The following CPSF4L variants were observed in gnomAD, a reference collection of about 807,000 sequenced individuals.
The protein encoded by CPSF4L is putative cleavage and polyadenylation specificity factor subunit 4-like protein.
CPSF4L carries 18 observed loss-of-function variants against 24.0 expected under a neutral mutation model. The ratio of observed to expected loss-of-function variants is 0.75; its 90% CI spans 0.52 to 1.11. The LOEUF is 1.11. CPSF4L is among the 50% of genes least tolerant of loss of function. The pLI is 0.00. For synonymous variants in CPSF4L, 72 were observed against 77.2 expected (o/e 0.93, Z 0.35); for missense variants, 211 against 221.8 (o/e 0.95, Z 0.31).
chr17:73,257,333 G>A (rs1005336194), intron 3 of CPSF4L, among the ~76,000 whole-genome samples: 1 of 152,054 alleles, frequency 6.6e-6, no homozygotes, highest in African/African-American at 2.4e-5. Flanking sequence ...CCTGATATTC[G>A]AGAAGTTCTA....
downstream of CPSF4L, chr17:73,245,115 A>C: frequency 1.3e-6 from 2 of 1,541,350 alleles, no homozygotes; most frequent in Admixed American, 3.4e-5. Context: ...AGATAGTAAC[A>C]GTCATTGGAA....
downstream of CPSF4L, chr17:73,247,425 C>T: frequency 7.3e-7 from 1 of 1,365,654 alleles, no homozygotes; most frequent in Non-Finnish European, 1.0e-6. Context: ...TGCCCTGTAA[C>T]ACCTAAGTGT....
upstream of CPSF4L, among the ~76,000 whole-genome samples, chr17:73,263,336 A>G (rs564652039): frequency 1.3e-4 from 20 of 152,222 alleles, no homozygotes; most frequent in East Asian, 3.7e-3. Flanking sequence ...AACATCCCTG[A>G]GCATCTCTGC....
At chr17:73,254,400 A>T (rs11653048) in intron 3 of CPSF4L, among the ~76,000 whole-genome samples, 68,488 of 152,044 alleles carry the variant, frequency 0.45, 16,261 homozygotes, top group East Asian at 0.62. Flanking sequence ...CCCCCTCTTC[A>T]TCTCTACTAC....
chr17:73,260,859 AG>A lies in CPSF4L; in HGVS notation c.154+73del, dbSNP rs2062042293. ...CGACACCCTATCCCAGGCCAGGCAG[AG>A]CCCCTGCTGGGTGTAGCTCAGACAG... On this transcript the variant is annotated intron_variant, in intron 2 of 5. Transcript: ENST00000344935. 6 of 1,265,660 alleles carry A rather than the reference AG, an allele frequency of 4.7e-6. No individual in the cohort carries two copies. The South Asian group carries it at 8.0e-5, about 17-fold the overall frequency. 78.4% of individuals were successfully genotyped at this position (1,265,660 alleles called of 1,614,324 possible).
downstream of CPSF4L, chr17:73,247,363 AGCCTTCGTGACTTCTCTCTAGT>A (rs763283667): frequency 7.0e-5 from 113 of 1,613,558 alleles, no homozygotes; most frequent in South Asian, 5.8e-4. Flanking sequence ...AAGTAGGAGA[AGCCTTCGTGACTTCTCTCTAGT>A]GCCTTCGTGC....
intron 5 of CPSF4L, chr17:73,251,152 T>C: frequency 6.8e-7 from 1 of 1,475,248 alleles, no homozygotes; most frequent in Non-Finnish European, 9.0e-7. Context: ...ATAGTCCCTG[T>C]GTGCAGACAC....
chr17:73,258,925 C>A (rs1450223769), intron 2 of CPSF4L, among the ~76,000 whole-genome samples: 1 of 152,188 alleles, frequency 6.6e-6, no homozygotes, highest in East Asian at 1.9e-4. Context: ...GAAGAGCCAA[C>A]TTTGTAATGA....
downstream of CPSF4L, chr17:73,245,201 G>A: frequency 1.2e-6 from 2 of 1,613,562 alleles, no homozygotes; most frequent in Non-Finnish European, 1.7e-6. Flanking sequence ...TGTTGACCTG[G>A]ACATCACTTA....
chr17:73,257,621 A>T, intron 3 of CPSF4L, 60 bp downstream of exon 3: 1 of 1,527,500 alleles, frequency 6.5e-7, no homozygotes. Flanking sequence ...AAACCTTCCC[A>T]TCTCACAGCC....
chr17:73,254,615 C>T (rs543818349), intron 3 of CPSF4L, among the ~76,000 whole-genome samples: 8 of 152,214 alleles, frequency 5.3e-5, no homozygotes, highest in African/African-American at 1.9e-4. Flanking sequence ...GGGAGCCAGC[C>T]CAGTAGGCCC....
chr17:73,263,216 G>A (rs977116884), upstream of CPSF4L, among the ~76,000 whole-genome samples: 2 of 152,164 alleles, frequency 1.3e-5, no homozygotes, highest in Non-Finnish European at 2.9e-5. Flanking sequence ...GCCTGGCAGC[G>A]CAGGCAGGAC....
intron 5 of CPSF4L, chr17:73,251,162 C>G: frequency 7.0e-7 from 1 of 1,436,934 alleles, no homozygotes; most frequent in Non-Finnish European, 9.2e-7. Context: ...TGTGCAGACA[C>G]CAACTTCACA....
chr17:73,263,063 C>G (rs533640315), upstream of CPSF4L, among the ~76,000 whole-genome samples: 21 of 152,256 alleles, frequency 1.4e-4, no homozygotes, highest in Non-Finnish European at 2.8e-4. Context: ...GGCAGAGGGA[C>G]CCAGCTCCAG....
intron 2 of CPSF4L, among the ~76,000 whole-genome samples, chr17:73,258,869 C>T (rs2062033985): frequency 6.6e-6 from 1 of 152,216 alleles, no homozygotes; most frequent in South Asian, 2.1e-4. Context: ...TCTTTAAAAA[C>T]ATCAAATGTT....
At chr17:73,257,972 A>AG in intron 2 of CPSF4L, 139 bp from the exon 3 acceptor site, 1 of 765,974 alleles carries the variant, frequency 1.3e-6, no homozygotes, top group Non-Finnish European at 2.0e-6. Flanking sequence ...TGGACCCTGT[A>AG]GGGGCTGGAA....
intron 1 of CPSF4L, among the ~76,000 whole-genome samples, chr17:73,261,270 C>G (rs2145285138): frequency 6.6e-6 from 1 of 152,372 alleles, no homozygotes; most frequent in South Asian, 2.1e-4. Context: ...GCCTCTCTTT[C>G]TCAGTCTGGA....
Position 73,257,322 on chromosome 17 carries a change from G to T in CPSF4L, c.307+359C>A, listed in dbSNP as rs929567145. On this transcript the variant is annotated intron_variant, in intron 3 of 5. Coordinates refer to ENST00000344935, the MANE Select transcript of CPSF4L (RefSeq NM_001129885.1). ...AGGCATCGTGAATGTGGCTCTGAAG[G>T]CCTGATATTCGAGAAGTTCTAGCCG... 3.9e-5 allele frequency among the ~76,000 whole-genome samples: 6 copies of T among 152,128 alleles called. No homozygotes were observed. The South Asian group carries it at 1.0e-3, about 26-fold the overall frequency.
chr17:73,259,631 CCA>C (rs2145283503), intron 2 of CPSF4L, among the ~76,000 whole-genome samples: 1 of 152,260 alleles, frequency 6.6e-6, no homozygotes, highest in Admixed American at 6.5e-5. Context: ...TGAGGAGATG[CCA>C]CTCAGTCCAC....
Sources: allele counts gnomAD v4.1 joint callset (sites outside exome capture counted in the v4.1 genomes callset), GRCh38; gene constraint gnomAD v4.1.1; transcripts MANE v1.5; gene names NCBI Gene and HGNC (gene_info 2026-07-23, HGNC 2026-07-21).